VWA5A: variants seen among roughly 807,000 people sequenced by gnomAD.
VWA5A encodes the protein von Willebrand factor A domain containing 5A.
In VWA5A, 77 loss-of-function variants were observed where a neutral mutation model predicts 84.6. The observed-to-expected ratio is 0.91, with a 90% CI of 0.76 to 1.10. VWA5A has a LOEUF of 1.10. Ranked by LOEUF, VWA5A falls within the 50% of genes least tolerant of loss-of-function variation. VWA5A has a pLI of 0.00. For synonymous variants in VWA5A, 334 were observed against 350.1 expected, an observed-to-expected ratio of 0.95 and a Z score of 0.51; for missense variants, 973 against 963.0, an observed-to-expected ratio of 1.01 and a Z score of -0.14.
chr11:124,142,595 G>A, intron 17 of VWA5A, 23 bp downstream of exon 17: 1 of 1,613,556 alleles, frequency 6.2e-7, no homozygotes, highest in Non-Finnish European at 8.5e-7. Flanking sequence ...GGAAAAAGGA[G>A]TATGTATGTT....
In VWA5A at chr11:124,118,214, T is replaced by A; in HGVS notation, c.272T>A (p.Ile91Asn). The A allele has an allele frequency of 6.2e-7, 1 of 1,614,056 alleles. No individual in the cohort carries two copies. Among genetic ancestry groups the A allele is most frequent in the Non-Finnish European group, 8.5e-7 (1 of 1,179,998 alleles). The change falls in exon 5 of 19, where the codon ATC becomes AAC. Residue 91 changes from isoleucine to asparagine, a missense_variant. Ile to Asn is a moderately radical substitution (Grantham distance 149). Coordinates refer to ENST00000456829, the MANE Select transcript of VWA5A (RefSeq NM_001130142.2). ...GCCCGCACCAACTATGAGAAAGCCA[T>A]CTCCCAGGGCCACCAGGCCTTCTTA... is the stretch of plus-strand genomic sequence containing the variant. ...MKARTNYEKAISQGHQAFLLE... is the reference protein window; with the variant it reads ...MKARTNYEKANSQGHQAFLLE...
At chr11:124,139,743 A>G (rs1003429111) in intron 15 of VWA5A, among the ~76,000 whole-genome samples, 5 of 152,080 alleles carry the variant, frequency 3.3e-5, no homozygotes, top group African/African-American at 9.7e-5. Flanking sequence ...GTCATCTGCA[A>G]ACAGGTGTAG....
rs182396370 is a variant in VWA5A at position 124,128,978 on chromosome 11, C to G, written c.1244+4662C>G. On this transcript the variant is annotated intron_variant, in intron 11 of 18. Coordinates refer to ENST00000456829, the MANE Select transcript of VWA5A (RefSeq NM_001130142.2). ...CTATTTGAATACCCTTTATTTCTTT[C>G]TCTTGCCTGATTGCCCTGGCCAGAA... Among the ~76,000 whole-genome samples the G allele has an allele frequency of 4.8e-3, 731 of 152,252 alleles. 11 individuals are homozygous for G. Among genetic ancestry groups the G allele is most frequent in the African/African-American group, 0.017 (690 of 41,546 alleles).
At chr11:124,137,780 C>T (rs569247321) in intron 15 of VWA5A, among the ~76,000 whole-genome samples, 3 of 152,340 alleles carry the variant, frequency 2.0e-5, no homozygotes, top group Admixed American at 1.3e-4. Flanking sequence ...CCCCTCTCCA[C>T]CAGTCCCAGT....
intron 11 of VWA5A, 85 bp downstream of exon 11, chr11:124,124,401 T>C: frequency 6.6e-7 from 1 of 1,511,732 alleles, no homozygotes; most frequent in Non-Finnish European, 8.8e-7. Context: ...GTGTTGACCT[T>C]CCTTCAAGAG....
Position 124,141,706 on chromosome 11 carries a change from G to A in VWA5A, c.1988G>A (p.Cys663Tyr). 1.2e-6 allele frequency: 2 copies of A among 1,614,182 alleles called. No individual in the cohort carries two copies. The highest frequency in any genetic ancestry group is 1.7e-6 in the Non-Finnish European group (2 of 1,180,044). Residue 663 changes from cysteine to tyrosine, a missense_variant, in exon 16 of 19, where the codon TGT becomes TAT. Coordinates refer to ENST00000456829, the MANE Select transcript of VWA5A (RefSeq NM_001130142.2). The part of the protein sequence containing the change: ...KTFQMDDYSL[C>Y]GLISHKDQHS... Reference sequence around the variant, plus strand: ...TTCCAGATGGACGATTACAGTCTCTGTGGGTTGATAAGTCACAAGGACCAG... The same window carrying A: ...TTCCAGATGGACGATTACAGTCTCTATGGGTTGATAAGTCACAAGGACCAG...
chr11:124,118,369 T>C lies in VWA5A; in HGVS notation c.427T>C (p.Phe143Leu). The C allele has an allele frequency of 6.2e-7, 1 of 1,614,218 alleles. No individual in the cohort carries two copies. Among genetic ancestry groups the C allele is most frequent in the Non-Finnish European group, 8.5e-7 (1 of 1,180,026 alleles). Residue 143 changes from phenylalanine to leucine, a missense_variant, in exon 5 of 19, where the codon TTT becomes CTT. By Grantham distance (22) the Phe-to-Leu change is conservative. Coordinates refer to ENST00000456829, the MANE Select transcript of VWA5A (RefSeq NM_001130142.2). ...TCTGGAAGCAGATGGGGCTCTGCGC[T>C]TTGTGCTCCCAGCTGTCCTGAATCC... is the stretch of plus-strand genomic sequence containing the variant. ...LPLEADGALR[F>L]VLPAVLNPRY...
chr11:124,124,654 T>C (rs890172047), intron 11 of VWA5A: 1 of 770,380 alleles, frequency 1.3e-6, no homozygotes, highest in African/African-American at 1.9e-5. Context: ...GGACTCATTA[T>C]CACAGTGAAT....
At chr11:124,127,096 T>C (rs1865029142) in intron 11 of VWA5A, among the ~76,000 whole-genome samples, 1 of 152,214 alleles carries the variant, frequency 6.6e-6, no homozygotes, top group East Asian at 1.9e-4. Flanking sequence ...GGTATACATG[T>C]GCCATGGTGG....
rs1860830195 is a variant in VWA5A at position 124,146,818 on chromosome 11, C to A, written c.*873C>A. The A allele has an allele frequency of 6.5e-6, 1 of 153,644 alleles. No homozygotes were observed. The highest frequency in any genetic ancestry group is 6.6e-5 in the Admixed American group (1 of 15,252). The allele number at this position is 153,644 out of a possible 1,614,324, so 9.5% of individuals were successfully genotyped here. A position where few individuals can be genotyped will look rare whatever the true frequency, so the allele number is the denominator to read the frequency against. On this transcript the variant is annotated 3_prime_UTR_variant, in exon 19 of 19. Coordinates refer to ENST00000456829, the MANE Select transcript of VWA5A (RefSeq NM_001130142.2). Reference sequence around the variant, plus strand: ...TTCCTGACCCTTGTGTCTCATATACCCTATCCTGGTGGAAATGACCCTATT... The same window carrying A: ...TTCCTGACCCTTGTGTCTCATATACACTATCCTGGTGGAAATGACCCTATT...
intron 15 of VWA5A, among the ~76,000 whole-genome samples, chr11:124,137,946 C>T (rs1327373721): frequency 6.6e-6 from 1 of 152,214 alleles, no homozygotes; most frequent in South Asian, 2.1e-4. Context: ...GCAGCCTCAA[C>T]CTCTCAGGCT....
chr11:124,118,862 C>A, intron 6 of VWA5A, 113 bp from the exon 7 acceptor site: 2 of 1,338,406 alleles, frequency 1.5e-6, no homozygotes, highest in Non-Finnish European at 1.0e-6. Flanking sequence ...TCTCCAGCCT[C>A]ACCTCTGTTC....
intron 11 of VWA5A, among the ~76,000 whole-genome samples, chr11:124,125,151 A>T (rs1321704514): frequency 1.3e-5 from 2 of 152,072 alleles, no homozygotes; most frequent in African/African-American, 4.8e-5. Flanking sequence ...AATGCCAAAC[A>T]TTTTTCCAAA....
intron 7 of VWA5A, among the ~76,000 whole-genome samples, chr11:124,119,942 C>T (rs750791762): frequency 9.9e-5 from 15 of 152,128 alleles, no homozygotes; most frequent in Non-Finnish European, 1.8e-4. Context: ...TCTTTTTTAT[C>T]TAATACATAA....
In VWA5A at chr11:124,142,336, A is replaced by G. The variant is rs76642394; in HGVS notation, c.2024-106A>G. On this transcript the variant is annotated intron_variant, in intron 16 of 18. Coordinates refer to ENST00000456829, the MANE Select transcript of VWA5A (RefSeq NM_001130142.2). ...TGTCTGATGACTTTCTTTCTATTGC[A>G]TTCTTGCTATGGCCTGTCTCTGAAT... 8.9e-4 allele frequency: 1,286 copies of G among 1,445,718 alleles called. 21 individuals are homozygous for G. In the East Asian group the frequency reaches 0.025, roughly 29 times the overall value. 89.6% of individuals were successfully genotyped at this position (1,445,718 alleles called of 1,614,324 possible).
chr11:124,145,957 A>G lies in VWA5A; in HGVS notation c.*12A>G. 13 of 1,576,672 alleles carry G rather than the reference A, an allele frequency of 8.2e-6. No homozygotes were observed. The highest frequency in any genetic ancestry group is 1.0e-5 in the Non-Finnish European group (12 of 1,157,162). On this transcript the variant is annotated 3_prime_UTR_variant, in exon 19 of 19. Transcript: ENST00000456829. ...TCTTTGCCTTTTGAAGATACCATCC[A>G]GAAAAAGAAGTGCCTTTAATTTGCT...
chr11:124,140,062 CT>C (rs1860697388), intron 15 of VWA5A, among the ~76,000 whole-genome samples: 1 of 151,720 alleles, frequency 6.6e-6, no homozygotes, highest in Non-Finnish European at 1.5e-5. Flanking sequence ...TGTTTTTGTC[CT>C]TTTTTATGTT....
intron 15 of VWA5A, among the ~76,000 whole-genome samples, chr11:124,138,047 G>C (rs781402158): frequency 2.6e-5 from 4 of 152,164 alleles, no homozygotes; most frequent in Non-Finnish European, 5.9e-5. Context: ...TTTTCGTAGA[G>C]ATGGGGTTTT....
intron 8 of VWA5A, 26 bp downstream of exon 8, chr11:124,123,155 G>T: frequency 6.2e-7 from 1 of 1,601,396 alleles, no homozygotes; most frequent in Non-Finnish European, 8.5e-7. Flanking sequence ...TTCCTCTTCT[G>T]GGTCACATGC....
Sources: gnomAD v4.1 joint callset for allele counts (sites outside exome capture counted in the v4.1 genomes callset) on GRCh38, gnomAD v4.1.1 for gene constraint, MANE v1.5 for transcripts, NCBI Gene and HGNC (gene_info 2026-07-23, HGNC 2026-07-21) for gene names.